Variants in PHF21B observed in about 807,000 individuals in gnomAD.
The protein encoded by PHF21B is PHD finger protein 4.
In PHF21B, 22 loss-of-function variants were observed where a neutral mutation model predicts 62.2. The observed-to-expected ratio is 0.35, with a 90% CI of 0.25 to 0.51. The LOEUF (loss-of-function observed/expected upper bound fraction) is 0.51. Ranked by LOEUF, PHF21B falls within the 20% of genes least tolerant of loss-of-function variation. PHF21B has a pLI of 0.97. For missense variants in PHF21B, 701 were observed against 707.9 expected (o/e 0.99, Z 0.11); for synonymous variants, 341 against 314.7 (o/e 1.08, Z -0.88).
chr22:44,916,775 G>GGCC, intron 3 of PHF21B, 145 bp from the exon 4 acceptor site: 1 of 784,292 alleles, frequency 1.3e-6, no homozygotes, highest in Non-Finnish European at 2.1e-6. Flanking sequence ...CCTCACAGCA[G>GGCC]GTGAGACCTC....
At chr22:44,916,674 A>C (rs1487038808) in intron 3 of PHF21B, 44 bp from the exon 4 acceptor site, 2 of 1,570,356 alleles carry the variant, frequency 1.3e-6, no homozygotes, top group African/African-American at 2.7e-5. Context: ...GCAGACACAC[A>C]GGAGTGCAGG....
At chr22:45,007,698 TGTGCG>T (rs1394092372) in intron 2 of PHF21B, among the ~76,000 whole-genome samples, 5 of 34,520 alleles carry the variant, frequency 1.4e-4, no homozygotes, top group African/African-American at 2.3e-4. Flanking sequence ...AAGGGGCGGG[TGTGCG>T]AGCGCGGGGA....
At chr22:44,911,942 C>G (rs1295639392) in intron 5 of PHF21B, among the ~76,000 whole-genome samples, 1 of 152,230 alleles carries the variant, frequency 6.6e-6, no homozygotes, top group African/African-American at 2.4e-5. Context: ...CCTGCAAAGC[C>G]ACAGCAGCAG....
rs188556557 is a variant in PHF21B, at chr22:44,982,092, G to C, written c.120+26453C>G. ...GCGGTGGAAACAGCGCTGGGCTAGG[G>C]GGTCATGGCACACAGGTTCTCTCCT... On this transcript the variant is annotated intron_variant, in intron 2 of 12. Coordinates refer to ENST00000313237, the MANE Select transcript of PHF21B (RefSeq NM_138415.5). Among the ~76,000 whole-genome samples the C allele has an allele frequency of 5.9e-3, 901 of 152,352 alleles. 9 individuals are homozygous for C. Among genetic ancestry groups the C allele is most frequent in the Non-Finnish European group, 6.8e-3 (460 of 68,036 alleles).
chr22:44,993,399 C>T (rs1227236816), intron 2 of PHF21B, among the ~76,000 whole-genome samples: 1 of 152,190 alleles, frequency 6.6e-6, no homozygotes, highest in African/African-American at 2.4e-5. Flanking sequence ...GGCCTATCCA[C>T]GCTCATCCAC....
chr22:44,897,850 C>G (rs902587470), intron 5 of PHF21B, among the ~76,000 whole-genome samples: 2 of 152,054 alleles, frequency 1.3e-5, no homozygotes, highest in Non-Finnish European at 2.9e-5. Context: ...ACTCTGTCAA[C>G]CAGGCTGGAG....
At chr22:44,951,432 C>A (rs1181795376) in intron 2 of PHF21B, among the ~76,000 whole-genome samples, 1 of 152,214 alleles carries the variant, frequency 6.6e-6, no homozygotes, top group Non-Finnish European at 1.5e-5. Context: ...TGCTCACTCA[C>A]CCACTCCTCA....
chr22:44,947,396 A>G (rs1337859184), intron 2 of PHF21B, among the ~76,000 whole-genome samples: 2 of 152,210 alleles, frequency 1.3e-5, no homozygotes, highest in Admixed American at 6.5e-5. Flanking sequence ...ATGGATGCTA[A>G]CTTAGGAAGT....
intron 5 of PHF21B, among the ~76,000 whole-genome samples, chr22:44,912,730 T>C (rs2071363882): frequency 6.6e-6 from 1 of 151,774 alleles, no homozygotes; most frequent in Non-Finnish European, 1.5e-5. Context: ...ATTAAAAAAT[T>C]AGCCAGTAGT....
At position 44,935,501 on chromosome 22, in the gene PHF21B, C is replaced by T. The variant is rs548760810; in HGVS notation, c.121-15011G>A. ...TGGTGGCGGGCGCCTGTAGTCCCAG[C>T]TGCTCGGGAGGCTGAGGCAGGAGAA... On this transcript the variant is annotated intron_variant, in intron 2 of 12. Coordinates refer to ENST00000313237, the MANE Select transcript of PHF21B (RefSeq NM_138415.5). 1.3e-3 allele frequency among the ~76,000 whole-genome samples: 200 copies of T among 152,292 alleles called. 1 individual carries two copies. Among genetic ancestry groups the T allele is most frequent in the Non-Finnish European group, 2.6e-3 (177 of 68,034 alleles).
chr22:44,885,364 C>T lies in PHF21B; in HGVS notation c.1377+62G>A, dbSNP rs2070837646. The T allele has an allele frequency of 9.6e-6, 14 of 1,456,618 alleles. No individual in the cohort carries two copies. In the East Asian group the frequency reaches 3.5e-4, roughly 36 times the overall value. 90.2% of individuals were successfully genotyped at this position (1,456,618 alleles called of 1,614,324 possible). ...TGGTTCTAAGGACACATCTATCTGT[C>T]CCCTAGACCCGGGGCACACCTGCAG... On this transcript the variant is annotated intron_variant, in intron 12 of 12. Transcript: ENST00000313237.
chr22:44,964,267 C>G (rs892294244), intron 2 of PHF21B, among the ~76,000 whole-genome samples: 1 of 152,226 alleles, frequency 6.6e-6, no homozygotes, highest in Non-Finnish European at 1.5e-5. Context: ...CATTATCTTC[C>G]CTAAACACAG....
chr22:44,914,469 G>A (rs58873335), intron 4 of PHF21B, among the ~76,000 whole-genome samples: 11,687 of 152,288 alleles, frequency 0.077, 448 homozygotes, highest in South Asian at 0.11. Flanking sequence ...CTCAGGCGGC[G>A]AGGACTTCTC....
chr22:44,921,778 C>T (rs1029175333), intron 2 of PHF21B, among the ~76,000 whole-genome samples: 8 of 151,960 alleles, frequency 5.3e-5, no homozygotes, highest in African/African-American at 1.5e-4. Flanking sequence ...CCCGCCTCAG[C>T]CTCCCGAGTA....
intron 9 of PHF21B, among the ~76,000 whole-genome samples, 165 bp from the exon 10 acceptor site, chr22:44,888,286 C>T (rs76715742): frequency 0.044 from 6,701 of 152,204 alleles, 226 homozygotes; most frequent in African/African-American, 0.092. Context: ...CCCTGGAGGG[C>T]GACAGTGTGG....
In PHF21B at chr22:44,916,196, TC is replaced by T. The variant is rs1158470883; in HGVS notation, c.564+83del. On this transcript the variant is annotated intron_variant, in intron 4 of 12. Coordinates refer to ENST00000313237, the MANE Select transcript of PHF21B (RefSeq NM_138415.5). ...GGTCATTCATCCTGCCTGGGCTTGT[TC>T]ATTTGGCCCTTCCCAAATGATTGCT... 27 of 1,322,958 alleles carry T rather than the reference TC, an allele frequency of 2.0e-5. No individual in the cohort carries two copies. In the African/African-American group the frequency reaches 3.2e-4, roughly 16 times the overall value. 82.0% of individuals were successfully genotyped at this position (1,322,958 alleles called of 1,614,324 possible). A position where few individuals can be genotyped will look rare whatever the true frequency, so the allele number is the denominator to read the frequency against.
intron 2 of PHF21B, among the ~76,000 whole-genome samples, chr22:44,991,218 A>G (rs1438265889): frequency 6.6e-6 from 1 of 152,192 alleles, no homozygotes. Flanking sequence ...CCTCCTTGAG[A>G]AGGCAAAAAA....
Position 44,893,464 on chromosome 22 carries a change from T to A in PHF21B, c.953A>T (p.Glu318Val). ...TANPAYSGLL[E>V]TERKRLASNY... ...GGCTGGCGGGTTCCCCACCTCGGTCTCCAGGAGGCCGCTGTAGGCAGGGTT... is the reference window on the plus strand; with the variant it reads ...GGCTGGCGGGTTCCCCACCTCGGTCACCAGGAGGCCGCTGTAGGCAGGGTT... Residue 318 changes from glutamate (E) to valine (V), a missense_variant, in exon 7 of 13, where the codon GAG becomes GTG. Glu to Val is a moderately radical substitution (Grantham distance 121). Transcript: ENST00000313237. 1.3e-6 allele frequency: 2 copies of A among 1,598,072 alleles called. No homozygotes were observed. The highest frequency in any genetic ancestry group is 1.7e-6 in the Non-Finnish European group (2 of 1,172,680).
intron 2 of PHF21B, among the ~76,000 whole-genome samples, chr22:45,002,662 C>G (rs1372781663): frequency 6.6e-6 from 1 of 152,266 alleles, no homozygotes; most frequent in African/African-American, 2.4e-5. Flanking sequence ...CTGACCTGCC[C>G]TCAGCACCCC....
Sources: gnomAD v4.1 joint callset for allele counts (sites outside exome capture counted in the v4.1 genomes callset) on GRCh38, gnomAD v4.1.1 for gene constraint, MANE v1.5 for transcripts, NCBI Gene and HGNC (gene_info 2026-07-23, HGNC 2026-07-21) for gene names.